Variants in KMT2C observed in about 807,000 individuals in gnomAD.
KMT2C encodes lysine methyltransferase 2C.
In KMT2C, 88 loss-of-function variants were observed where a neutral mutation model predicts 507.9. The ratio of observed to expected loss-of-function variants is 0.17; its 90% CI spans 0.15 to 0.21. The LOEUF (loss-of-function observed/expected upper bound fraction) is 0.21, where lower values mean the gene tolerates loss of function less well. Among genes scored for constraint, KMT2C ranks in the 10% least tolerant of loss-of-function variants. The probability of loss-of-function intolerance (pLI) is 1.00; values close to 1 mark genes in which losing one functional copy is unlikely to be tolerated. For missense variants in KMT2C, 4,954 were observed against 5,957.8 expected, an observed-to-expected ratio of 0.83 and a Z score of 5.55; for synonymous variants, 2,049 against 2,080.8, an observed-to-expected ratio of 0.98 and a Z score of 0.42.
At chr7:152,290,859 T>G (rs2096415544) in intron 6 of KMT2C, among the ~76,000 whole-genome samples, 1 of 152,080 alleles carries the variant, frequency 6.6e-6, no homozygotes, top group African/African-American at 2.4e-5. Flanking sequence ...TCTCAAGAAC[T>G]CTTTTACAAA....
At chr7:152,165,801 G>A (rs1422637974) in intron 42 of KMT2C, among the ~76,000 whole-genome samples, 1 of 152,076 alleles carries the variant, frequency 6.6e-6, no homozygotes, top group Non-Finnish European at 1.5e-5. Flanking sequence ...CAATTCTCCT[G>A]CCTCAACCTC....
In KMT2C at chr7:152,364,346, G is replaced by A. The variant is rs563441622; in HGVS notation, c.162-5671C>T. Among the ~76,000 whole-genome samples the A allele has an allele frequency of 2.4e-4, 36 of 152,262 alleles. No homozygotes were observed. In the South Asian group the frequency reaches 6.4e-3, roughly 27 times the overall value. On this transcript the variant is annotated intron_variant, in intron 1 of 58. Transcript: ENST00000262189. ...TTTCAGGCCGGGTGTGGTGGCTCAC[G>A]CCTCTAATCCCAGCACTTTGGGAGG...
rs555204917 is a variant in KMT2C at position 152,407,733 on chromosome 7, A to G, written c.161+27893T>C. Among the ~76,000 whole-genome samples, 4 of 152,406 alleles carry G rather than the reference A, an allele frequency of 2.6e-5. No individual in the cohort carries two copies. In the South Asian group the frequency reaches 8.3e-4, roughly 32 times the overall value. On this transcript the variant is annotated intron_variant, in intron 1 of 58. Coordinates refer to ENST00000262189, the MANE Select transcript of KMT2C (RefSeq NM_170606.3). ...ATAGGTCAGTGTTTAGAAAGGATAC[A>G]ACTATATCACGTCTTTTACTTATTT...
In KMT2C at chr7:152,163,179, T is replaced by A; in HGVS notation, c.10398A>T (p.Leu3466=). ...GTTGTGGAGACTGCTGAAGGGGTCC[T>A]AGAGGTTGCATAAAATCACAAGGTA... ...SDLPCDFMQP[L]GPLQQSPQHQ... Residue 3466 remains leucine, a synonymous_variant, in exon 43 of 59, where the codon CTA becomes CTT. Transcript: ENST00000262189. The A allele has an allele frequency of 6.2e-7, 1 of 1,614,206 alleles. No individual in the cohort carries two copies. Among genetic ancestry groups the A allele is most frequent in the African/African-American group, 1.3e-5 (1 of 75,052 alleles).
At chr7:152,291,282 T>C in intron 6 of KMT2C, among the ~76,000 whole-genome samples, 1 of 152,296 alleles carries the variant, frequency 6.6e-6, no homozygotes, top group Non-Finnish European at 1.5e-5. Flanking sequence ...TTCAGTATAT[T>C]CTGCCTCTAT....
chr7:152,136,724 T>A lies in KMT2C; in HGVS notation c.*108A>T, dbSNP rs567351628. 1 of 804,170 alleles carries A rather than the reference T, an allele frequency of 1.2e-6. No individual in the cohort carries two copies. The highest frequency in any genetic ancestry group is 1.7e-5 in the African/African-American group (1 of 59,200). 49.8% of individuals were successfully genotyped at this position (804,170 alleles called of 1,614,324 possible). On this transcript the variant is annotated 3_prime_UTR_variant, in exon 59 of 59. Coordinates refer to ENST00000262189, the MANE Select transcript of KMT2C (RefSeq NM_170606.3). The stretch of plus-strand genomic sequence containing the variant: ...AACTCCCAGAAGCTTTTTCAAAAAG[T>A]CATAAAACAGAAAACAAAAATCTCT...
intron 7 of KMT2C, among the ~76,000 whole-genome samples, chr7:152,266,507 A>G (rs2095860543): frequency 6.6e-6 from 1 of 152,032 alleles, no homozygotes; most frequent in Non-Finnish European, 1.5e-5. Context: ...AACCTCCCAA[A>G]GTGCTGGGAT....
At chr7:152,189,166 C>G (rs1421340370) in intron 31 of KMT2C, among the ~76,000 whole-genome samples, 1 of 152,162 alleles carries the variant, frequency 6.6e-6, no homozygotes, top group Non-Finnish European at 1.5e-5. Context: ...TTACAACACT[C>G]CTTTAAGCAT....
At chr7:152,373,765 TA>T (rs1487066485) in intron 1 of KMT2C, among the ~76,000 whole-genome samples, 1 of 152,130 alleles carries the variant, frequency 6.6e-6, no homozygotes, top group Non-Finnish European at 1.5e-5. Context: ...TATTCTACTG[TA>T]ATAGAAAGAG....
chr7:152,322,105 T>C (rs2096778190), intron 3 of KMT2C, among the ~76,000 whole-genome samples: 1 of 149,930 alleles, frequency 6.7e-6, no homozygotes, highest in African/African-American at 2.4e-5. Context: ...GGTTCACACT[T>C]GTAATGCCAG....
chr7:152,334,038 AAATG>A (rs1165606257), intron 2 of KMT2C, among the ~76,000 whole-genome samples: 1 of 152,214 alleles, frequency 6.6e-6, no homozygotes, highest in African/African-American at 2.4e-5. Flanking sequence ...CTCATGAACA[AAATG>A]AATGTGTCAC....
At position 152,435,837 on chromosome 7, in the gene KMT2C, CCCGCCGCCGCGGCCGCCG is replaced by C. The variant is rs1564257442; in HGVS notation, c.-69_-52del. 15 of 1,378,816 alleles carry C rather than the reference CCCGCCGCCGCGGCCGCCG, an allele frequency of 1.1e-5. No homozygotes were observed. Among genetic ancestry groups the C allele is most frequent in the African/African-American group, 1.6e-5 (1 of 64,414 alleles). The allele number at this position is 1,378,816 out of a possible 1,614,324, so 85.4% of individuals were successfully genotyped here. ...ATCCCGGTCCTCCTCCTGGGGGGCT[CCCGCCGCCGCGGCCGCCG>C]CCGCCGCCGCTGCTGCTCGGGTTCC... On this transcript the variant is annotated 5_prime_UTR_variant, in exon 1 of 59. Coordinates refer to ENST00000262189, the MANE Select transcript of KMT2C (RefSeq NM_170606.3).
chr7:152,365,840 G>C (rs2097238620), intron 1 of KMT2C, among the ~76,000 whole-genome samples: 1 of 152,126 alleles, frequency 6.6e-6, no homozygotes, highest in South Asian at 2.1e-4. Context: ...GATTCTATTA[G>C]TGGGGCATAG....
rs769280004 is a variant in KMT2C, at chr7:152,162,229, T to G, written c.11348A>C (p.Asn3783Thr). ...GNELLKHLLK[N>T]KKSSSLLNQK... ...ATTCAAAAGAGAAGATGACTTTTTA[T>G]TTTTCAACAAGTGTTTCAGAAGTTC... The change falls in exon 43 of 59, where the codon AAT becomes ACT. Residue 3783 changes from asparagine (N) to threonine (T), a missense_variant. Asn to Thr is a moderately conservative substitution (Grantham distance 65). Around this residue, in one of 29 missense-constraint regions of KMT2C, gnomAD observed 801 missense variants for 751.2 expected, o/e 1.07. Transcript: ENST00000262189. The G allele has an allele frequency of 1.1e-5, 17 of 1,614,072 alleles. No individual in the cohort carries two copies. The highest frequency in any genetic ancestry group is 6.7e-5 in the Admixed American group (4 of 60,002).
intron 16 of KMT2C, among the ~76,000 whole-genome samples, chr7:152,232,625 T>C (rs1031592956): frequency 1.3e-5 from 2 of 152,140 alleles, no homozygotes; most frequent in African/African-American, 4.8e-5. Context: ...GAGTTAGTAA[T>C]GGTAAATTCT....
chr7:152,399,641 GC>G (rs1328120017), intron 1 of KMT2C, among the ~76,000 whole-genome samples: 1 of 151,754 alleles, frequency 6.6e-6, no homozygotes, highest in Non-Finnish European at 1.5e-5. Flanking sequence ...TCCAAGGTCA[GC>G]AGATATTTGG....
chr7:152,313,197 C>A (rs2096688894), intron 4 of KMT2C, among the ~76,000 whole-genome samples: 1 of 147,582 alleles, frequency 6.8e-6, no homozygotes, highest in African/African-American at 2.7e-5. Flanking sequence ...TCTATTCCTA[C>A]AAATATATGC....
At chr7:152,386,345 C>G (rs2097426340) in intron 1 of KMT2C, among the ~76,000 whole-genome samples, 1 of 152,312 alleles carries the variant, frequency 6.6e-6, no homozygotes, top group Admixed American at 6.5e-5. Flanking sequence ...ATCCCCCTTC[C>G]CACTTTACAG....
chr7:152,288,491 C>T (rs1346093621), intron 6 of KMT2C, among the ~76,000 whole-genome samples: 2 of 151,864 alleles, frequency 1.3e-5, no homozygotes, highest in African/African-American at 4.8e-5. Flanking sequence ...TGAGATCGTA[C>T]CACTTCACTC....
Sources: allele counts gnomAD v4.1 joint callset (sites outside exome capture counted in the v4.1 genomes callset), GRCh38; gene constraint gnomAD v4.1.1; regional missense constraint gnomAD v4.1.1; transcripts MANE v1.5; gene names NCBI Gene and HGNC (gene_info 2026-07-23, HGNC 2026-07-21).